The following KIAA1671 variants were observed in gnomAD, a reference collection of about 807,000 sequenced individuals.
KIAA1671 encodes the protein uncharacterized protein KIAA1671.
In KIAA1671, 52 loss-of-function variants were observed where a neutral mutation model predicts 131.2. The observed-to-expected ratio is 0.40, with a 90% CI of 0.32 to 0.50. The LOEUF is 0.50. KIAA1671 is among the 20% of genes least tolerant of loss of function. KIAA1671 has a pLI of 0.73. For missense variants in KIAA1671, 2,360 were observed against 2,364.2 expected, an observed-to-expected ratio of 1.00 and a Z score of 0.04; for synonymous variants, 1,003 against 961.6, an observed-to-expected ratio of 1.04 and a Z score of -0.80.
chr22:25,154,410 C>G (rs1933155906), intron 6 of KIAA1671, among the ~76,000 whole-genome samples: 1 of 152,248 alleles, frequency 6.6e-6, no homozygotes, highest in African/African-American at 2.4e-5. Context: ...ACTGCAGGAG[C>G]TCGTTCTGTC....
chr22:24,953,333 C>A lies in KIAA1671; in HGVS notation c.-208+561C>A, dbSNP rs567859178. 1.6e-3 allele frequency among the ~76,000 whole-genome samples: 250 copies of A among 152,124 alleles called. 1 individual carries two copies. Among genetic ancestry groups the A allele is most frequent in the Non-Finnish European group, 2.9e-3 (197 of 67,992 alleles). On this transcript the variant is annotated intron_variant, in intron 1 of 12. Coordinates refer to ENST00000358431, the MANE Select transcript of KIAA1671 (RefSeq NM_001145206.2). ...CTGGACATTTGTGCGGGTTGGAGGC[C>A]CCGGAGGTGGAAGTGGGAAGCAAGG...
chr22:24,991,186 A>AT (rs959082854), intron 1 of KIAA1671, among the ~76,000 whole-genome samples: 4 of 150,150 alleles, frequency 2.7e-5, no homozygotes, highest in African/African-American at 4.9e-5. Context: ...TGCCCAGCTA[A>AT]TTTTTTTTGT....
Position 25,117,615 on chromosome 22 carries a change from A to G in KIAA1671, c.4531-53205A>G, listed in dbSNP as rs1213063684. 2.0e-5 allele frequency among the ~76,000 whole-genome samples: 3 copies of G among 151,424 alleles called. No individual in the cohort carries two copies. The East Asian group carries it at 5.8e-4, about 29-fold the overall frequency. ...CACACACACACACACACACACACAC[A>G]CACACACACACACACACACACAGAC... On this transcript the variant is annotated intron_variant, in intron 6 of 12. Transcript: ENST00000358431.
At chr22:24,968,200 G>C (rs909306769) in intron 1 of KIAA1671, among the ~76,000 whole-genome samples, 4 of 152,188 alleles carry the variant, frequency 2.6e-5, no homozygotes, top group Admixed American at 2.0e-4. Flanking sequence ...GGTAGGGAAG[G>C]GGGGCGGCGG....
rs886835837 is a variant in KIAA1671 at position 25,039,775 on chromosome 22, G to T, written c.2645G>T (p.Cys882Phe). The T allele has an allele frequency of 2.0e-5, 30 of 1,501,558 alleles. No individual in the cohort carries two copies. The highest frequency in any genetic ancestry group is 4.2e-5 in the African/African-American group (3 of 71,834). The allele number at this position is 1,501,558 out of a possible 1,614,324, so 93.0% of individuals were successfully genotyped here. ...GGAGCAAGGGGCCCACCCCAGGGAT[G>T]CCCCCTCGATCCTCTTTCCAGGGCT... ...GVGARGPPQG[C>F]PLDPLSRATN... The change falls in exon 5 of 13, where the codon TGC becomes TTC. Residue 882 changes from cysteine (C) to phenylalanine (F), a missense_variant. This residue lies in a region of KIAA1671 where 1,161 missense variants were observed against 1,204.7 expected (regional missense o/e 0.96). Coordinates refer to ENST00000358431, the MANE Select transcript of KIAA1671 (RefSeq NM_001145206.2).
At chr22:25,167,376 CA>C (rs1355637006) in intron 6 of KIAA1671, among the ~76,000 whole-genome samples, 1 of 152,160 alleles carries the variant, frequency 6.6e-6, no homozygotes, top group Non-Finnish European at 1.5e-5. Flanking sequence ...GATTTAGCCT[CA>C]GGGGTGTTCG....
intron 6 of KIAA1671, among the ~76,000 whole-genome samples, chr22:25,148,757 G>A (rs192502895): frequency 5.6e-4 from 85 of 152,198 alleles, no homozygotes; most frequent in Admixed American, 2.1e-3. Context: ...TTCTCACCCA[G>A]GATTCTCCTG....
intron 6 of KIAA1671, among the ~76,000 whole-genome samples, chr22:25,152,470 G>A (rs943068918): frequency 6.6e-6 from 1 of 152,212 alleles, no homozygotes; most frequent in African/African-American, 2.4e-5. Context: ...ACACATGCAT[G>A]TACAGAGGAA....
intron 1 of KIAA1671, among the ~76,000 whole-genome samples, chr22:24,994,213 T>G (rs1240946805): frequency 6.6e-6 from 1 of 152,130 alleles, no homozygotes; most frequent in East Asian, 1.9e-4. Flanking sequence ...GGAGGGAACT[T>G]GTTTTCCAAG....
At chr22:25,123,487 C>T (rs572233076) in intron 6 of KIAA1671, among the ~76,000 whole-genome samples, 87 of 152,292 alleles carry the variant, frequency 5.7e-4, no homozygotes, top group African/African-American at 1.9e-3. Context: ...CTACCGTGCC[C>T]GGCTGAGATG....
chr22:25,094,860 CCTCT>C (rs1344573366), intron 6 of KIAA1671, among the ~76,000 whole-genome samples: 2 of 152,144 alleles, frequency 1.3e-5, no homozygotes, highest in African/African-American at 4.8e-5. Flanking sequence ...GCCCTTCCTT[CCTCT>C]CTCTCCCTCC....
In KIAA1671 at chr22:24,959,096, G is replaced by A. The variant is rs181923701; in HGVS notation, c.-208+6324G>A. On this transcript the variant is annotated intron_variant, in intron 1 of 12. Coordinates refer to ENST00000358431, the MANE Select transcript of KIAA1671 (RefSeq NM_001145206.2). ...GAGCATTGCTTGAGCTCAGGAGTTC[G>A]ATGCTGCAGTGAGCTTTGATTGCAC... Among the ~76,000 whole-genome samples, 313 of 152,008 alleles carry A rather than the reference G, an allele frequency of 2.1e-3. 3 individuals carry two copies. The Middle Eastern group carries it at 0.021, about 10-fold the overall frequency.
Position 25,004,814 on chromosome 22 carries a change from C to T in KIAA1671, c.-207-20819C>T, listed in dbSNP as rs557404499. On this transcript the variant is annotated intron_variant, in intron 1 of 12. Transcript: ENST00000358431. The stretch of plus-strand genomic sequence containing the variant: ...ACAAAAAATTAGCCGGGCGTGGTGG[C>T]GGGCACCTGTAGTCCCAGCTACTCG... 1.3e-4 allele frequency among the ~76,000 whole-genome samples: 19 copies of T among 151,626 alleles called. No individual in the cohort carries two copies. The South Asian group carries it at 1.3e-3, about 10-fold the overall frequency.
At chr22:25,010,186 T>A (rs2123875297) in intron 1 of KIAA1671, 1 of 152,150 alleles carries the variant, frequency 6.6e-6, no homozygotes, top group Non-Finnish European at 1.5e-5. Flanking sequence ...TTGCACTTTT[T>A]TTTTCTTTTT....
intron 1 of KIAA1671, among the ~76,000 whole-genome samples, chr22:24,954,876 G>A (rs1456148351): frequency 2.0e-5 from 3 of 152,130 alleles, no homozygotes; most frequent in East Asian, 3.9e-4. Context: ...TGCCTCCCGG[G>A]TTCAAGCAAT....
rs954179466 is a variant in KIAA1671 at position 24,999,280 on chromosome 22, G to A, written c.-207-26353G>A. 8.5e-5 allele frequency among the ~76,000 whole-genome samples: 13 copies of A among 152,292 alleles called. 1 individual carries two copies. The highest frequency in any genetic ancestry group is 2.9e-4 in the African/African-American group (12 of 41,570). Reference sequence around the variant, plus strand: ...AATAGGGTCTTGCTCTGTCACCTAGGCTGGAGTGCACTGGCGCAATCATGG... The same window carrying A: ...AATAGGGTCTTGCTCTGTCACCTAGACTGGAGTGCACTGGCGCAATCATGG... On this transcript the variant is annotated intron_variant, in intron 1 of 12. Coordinates refer to ENST00000358431, the MANE Select transcript of KIAA1671 (RefSeq NM_001145206.2).
chr22:25,021,145 A>C (rs1298416559), intron 1 of KIAA1671, among the ~76,000 whole-genome samples: 1 of 152,092 alleles, frequency 6.6e-6, no homozygotes, highest in East Asian at 1.9e-4. Flanking sequence ...GCTCACTGCA[A>C]CCTCAGCCTC....
intron 6 of KIAA1671, among the ~76,000 whole-genome samples, chr22:25,108,509 G>A (rs1279188702): frequency 2.0e-5 from 3 of 152,190 alleles, no homozygotes; most frequent in African/African-American, 7.2e-5. Flanking sequence ...ACAAACTTTG[G>A]AGGCCCACTT....
intron 1 of KIAA1671, among the ~76,000 whole-genome samples, chr22:24,987,352 C>G (rs559675828): frequency 1.3e-5 from 2 of 151,622 alleles, no homozygotes; most frequent in South Asian, 2.1e-4. Context: ...TTGTATTTTT[C>G]AGTAGAGACG....
Sources: allele counts gnomAD v4.1 joint callset (sites outside exome capture counted in the v4.1 genomes callset), GRCh38; gene constraint gnomAD v4.1.1; regional missense constraint gnomAD v4.1.1; transcripts MANE v1.5; gene names NCBI Gene and HGNC (gene_info 2026-07-23, HGNC 2026-07-21).